Variants in ARHGAP1 observed in about 807,000 individuals in gnomAD.
ARHGAP1 encodes Rho GTPase activating protein 1.
Under a neutral mutation model 52.2 loss-of-function variants are expected in ARHGAP1, and 23 were observed. That is an observed-to-expected ratio of 0.44 (90% CI 0.32 to 0.62). The LOEUF (loss-of-function observed/expected upper bound fraction) is 0.62, where lower values mean the gene tolerates loss of function less well. Among genes scored for constraint, ARHGAP1 ranks in the 20% least tolerant of loss-of-function variants. The probability of loss-of-function intolerance (pLI) is 0.05; values close to 1 mark genes in which losing one functional copy is unlikely to be tolerated. For synonymous variants in ARHGAP1, 210 were observed against 228.4 expected (o/e 0.92, Z 0.73); for missense variants, 480 against 560.9 (o/e 0.86, Z 1.46).
chr11:46,698,162 A>C (rs934216528), intron 1 of ARHGAP1, among the ~76,000 whole-genome samples: 3 of 152,360 alleles, frequency 2.0e-5, no homozygotes, highest in East Asian at 1.9e-4. Flanking sequence ...CATCCTGCCT[A>C]AGCCAGTGAG....
chr11:46,693,192 T>C (rs1253398414), intron 3 of ARHGAP1, among the ~76,000 whole-genome samples: 2 of 151,972 alleles, frequency 1.3e-5, no homozygotes. Context: ...GAGACGGGGT[T>C]TCTCCGTGTT....
Position 46,679,677 on chromosome 11 carries a change from T to C in ARHGAP1, c.998A>G (p.Asp333Gly). 6.2e-7 allele frequency: 1 copy of C among 1,613,806 alleles called. No individual in the cohort carries two copies. The highest frequency in any genetic ancestry group is 8.5e-7 in the Non-Finnish European group (1 of 1,179,918). The change falls in exon 11 of 13, where the codon GAC (aspartate) becomes GGC (glycine). Residue 333 changes from aspartate to glycine, a missense_variant. Coordinates refer to ENST00000311956, the MANE Select transcript of ARHGAP1 (RefSeq NM_004308.5). This position sits in a 1 kb window ranked among gnomAD's most constrained non-coding sequence, Gnocchi z 4.4. The part of the protein sequence containing the change: ...RELPEPLLTF[D>G]LYPHVVGFLN... Reference sequence around the variant, plus strand: ...GAAGCCCACCACATGGGGGTAGAGGTCAAAGGTGAGCAGGGGCTCAGGAAG... The same window carrying C: ...GAAGCCCACCACATGGGGGTAGAGGCCAAAGGTGAGCAGGGGCTCAGGAAG...
chr11:46,691,789 T>C (rs1297622089), intron 3 of ARHGAP1, among the ~76,000 whole-genome samples: 1 of 152,082 alleles, frequency 6.6e-6, no homozygotes, highest in Non-Finnish European at 1.5e-5. Flanking sequence ...GGTTTCACCA[T>C]GTTAGCCAGG....
rs61752936 is a variant in ARHGAP1, at chr11:46,680,215, C to T, written c.888G>A (p.Lys296=). ...CCCAGGGCTGCTCACCCATGTTGTA[C>T]TTCTGCTGCACTTCCCGGACCACTT... The part of the protein sequence containing the change: ...NTQVVREVQQ[K]YNMGLPVDFD... The change falls in exon 10 of 13, where the codon AAG becomes AAA. Residue 296 remains lysine, a synonymous_variant. Transcript: ENST00000311956. The surrounding 1 kb of genome is among the most constrained non-coding windows in gnomAD (Gnocchi z 5.9). 8.2e-3 allele frequency: 13,217 copies of T among 1,614,092 alleles called. 988 individuals are homozygous for T. The African/African-American group carries it at 0.16, about 19-fold the overall frequency.
At chr11:46,689,866 C>T (rs1349360007) in intron 3 of ARHGAP1, among the ~76,000 whole-genome samples, 1 of 152,140 alleles carries the variant, frequency 6.6e-6, no homozygotes, top group Admixed American at 6.6e-5. Context: ...AAAATGCTCA[C>T]TAAAGCATTT....
chr11:46,695,625 C>G (rs771233618), intron 3 of ARHGAP1, 35 bp downstream of exon 3: 2 of 1,545,714 alleles, frequency 1.3e-6, no homozygotes. Flanking sequence ...GCCAGGAGCT[C>G]TGAGGGTTAG....
chr11:46,690,681 C>T (rs115172568), intron 3 of ARHGAP1, among the ~76,000 whole-genome samples: 210 of 152,290 alleles, frequency 1.4e-3, no homozygotes, highest in African/African-American at 4.9e-3. Context: ...TGTGTCCTCG[C>T]CCTCTCTCCC....
chr11:46,690,227 A>AC (rs200649928), intron 3 of ARHGAP1, among the ~76,000 whole-genome samples: 6 of 150,090 alleles, frequency 4.0e-5, no homozygotes, highest in Admixed American at 6.6e-5. Flanking sequence ...ACACACACAC[A>AC]AAAAAAAAAA....
At position 46,681,376 on chromosome 11, in the gene ARHGAP1, G is replaced by A. The variant is rs2064527013; in HGVS notation, c.453C>T (p.Tyr151=). 6.2e-7 allele frequency: 1 copy of A among 1,606,826 alleles called. No individual in the cohort carries two copies. Among genetic ancestry groups the A allele is most frequent in the African/African-American group, 1.3e-5 (1 of 74,732 alleles). ...RDAYREFDRK[Y]KKNIKALYIV... is the part of the protein sequence containing the mutation. Reference sequence around the variant, plus strand: ...TGTACAAGGCCTTGATGTTTTTCTTGTACCTGCAGAGACAGAATGGACAAC... The same window carrying A: ...TGTACAAGGCCTTGATGTTTTTCTTATACCTGCAGAGACAGAATGGACAAC... Residue 151 remains tyrosine, a synonymous_variant, in exon 6 of 13, where the codon TAC becomes TAT. Transcript: ENST00000311956. The surrounding 1 kb of genome is among the most constrained non-coding windows in gnomAD (Gnocchi z 5.7).
Position 46,679,958 on chromosome 11 carries a change from C to G in ARHGAP1, c.899-182G>C. ...ATCAGAGAATGCAGGTTCCGGCCATCTGGGGAAGTGGGGCCCGGCACACCC... is the reference window on the plus strand; with the variant it reads ...ATCAGAGAATGCAGGTTCCGGCCATGTGGGGAAGTGGGGCCCGGCACACCC... On this transcript the variant is annotated intron_variant, in intron 10 of 12. Transcript: ENST00000311956. This position sits in a 1 kb window ranked among gnomAD's most constrained non-coding sequence, Gnocchi z 4.4. The G allele has an allele frequency of 2.6e-6, 3 of 1,153,272 alleles. No homozygotes were observed. The highest frequency in any genetic ancestry group is 3.6e-6 in the Non-Finnish European group (3 of 834,430). The allele number at this position is 1,153,272 out of a possible 1,614,324, so 71.4% of individuals were successfully genotyped here. A position where few individuals can be genotyped will look rare whatever the true frequency, so the allele number is the denominator to read the frequency against.
rs1021600036 is a variant in ARHGAP1, at chr11:46,696,618, C to T, written c.-49-462G>A. ...GCACCGTGGCTCACGCCTGTAATCCCAGCACTTTGGGAGGCCGAGGCAGGC... is the reference window on the plus strand; with the variant it reads ...GCACCGTGGCTCACGCCTGTAATCCTAGCACTTTGGGAGGCCGAGGCAGGC... On this transcript the variant is annotated intron_variant, in intron 1 of 12. Transcript: ENST00000311956. The surrounding 1 kb of genome is among the most constrained non-coding windows in gnomAD (Gnocchi z 4.8). 3.9e-5 allele frequency among the ~76,000 whole-genome samples: 6 copies of T among 152,332 alleles called. No homozygotes were observed. Among genetic ancestry groups the T allele is most frequent in the African/African-American group, 1.4e-4 (6 of 41,584 alleles).
intron 4 of ARHGAP1, among the ~76,000 whole-genome samples, chr11:46,683,037 C>CTT (rs66603634): frequency 0.021 from 2,282 of 108,630 alleles, 82 homozygotes; most frequent in Middle Eastern, 0.026. Flanking sequence ...CCAAAGCCTG[C>CTT]TTTTTTTTTT....
chr11:46,680,659 A>T lies in ARHGAP1; in HGVS notation c.724T>A (p.Phe242Ile). 6.3e-7 allele frequency: 1 copy of T among 1,592,196 alleles called. No homozygotes were observed. The highest frequency in any genetic ancestry group is 8.6e-7 in the Non-Finnish European group (1 of 1,165,750). The change falls in exon 8 of 13, where the codon TTT (phenylalanine) becomes ATT (isoleucine). Residue 242 changes from phenylalanine to isoleucine, a missense_variant. Transcript: ENST00000311956. The surrounding 1 kb of genome is among the most constrained non-coding windows in gnomAD (Gnocchi z 5.9). Reference sequence around the variant, plus strand: ...ACTTACTGCTGCAGCGAGACTCCAAACTGCTGGTTGGGCAGGGGGGGCCGT... The same window carrying T: ...ACTTACTGCTGCAGCGAGACTCCAATCTGCTGGTTGGGCAGGGGGGGCCGT... ...PPRPPLPNQQ[F>I]GVSLQHLQEK...
At position 46,679,569 on chromosome 11, in the gene ARHGAP1, G is replaced by A. The variant is rs1250732130; in HGVS notation, c.1027+79C>T. 8.1e-6 allele frequency: 13 copies of A among 1,608,224 alleles called. No individual in the cohort carries two copies. The highest frequency in any genetic ancestry group is 5.1e-6 in the Non-Finnish European group (6 of 1,176,494). ...GGAGACCCCCAGCAGTCTTCCCTGG[G>A]AGGCGCCTAGGCCCGAAAGCCTGCA... On this transcript the variant is annotated intron_variant, in intron 11 of 12. Coordinates refer to ENST00000311956, the MANE Select transcript of ARHGAP1 (RefSeq NM_004308.5). The surrounding 1 kb of genome is among the most constrained non-coding windows in gnomAD (Gnocchi z 4.4).
chr11:46,693,272 T>C (rs571564814), intron 3 of ARHGAP1, among the ~76,000 whole-genome samples: 2 of 151,578 alleles, frequency 1.3e-5, no homozygotes, highest in Non-Finnish European at 2.9e-5. Flanking sequence ...CTGGGATTAC[T>C]AGGTGTGAGC....
Position 46,679,202 on chromosome 11 carries a change from G to A in ARHGAP1, c.1155C>T (p.Asn385=), listed in dbSNP as rs887889883. The change falls in exon 13 of 13, where the codon AAC becomes AAT. Residue 385 remains asparagine (N), a synonymous_variant. Coordinates refer to ENST00000311956, the MANE Select transcript of ARHGAP1 (RefSeq NM_004308.5). This position sits in a 1 kb window ranked among gnomAD's most constrained non-coding sequence, Gnocchi z 4.4. ...CAGCCAGGTTAGTGTTGGTCATCTT[G>A]TTCTGGTCACTGTGTGCAGAAATCT... ...LVQISAHSDQ[N]KMTNTNLAVV... 3.1e-6 allele frequency: 5 copies of A among 1,607,996 alleles called. No individual in the cohort carries two copies. Among genetic ancestry groups the A allele is most frequent in the Non-Finnish European group, 4.2e-6 (5 of 1,176,686 alleles).
chr11:46,689,658 A>G (rs2064596554), intron 3 of ARHGAP1, among the ~76,000 whole-genome samples: 1 of 152,058 alleles, frequency 6.6e-6, no homozygotes, highest in Non-Finnish European at 1.5e-5. Flanking sequence ...CTCCTGCCTC[A>G]GCTTCCCGAG....
Position 46,696,279 on chromosome 11 carries a change from C to T in ARHGAP1, c.-49-123G>A. ...CAGGCTCCCTGTCCCTATTCCTCAA[C>T]ACTCCTCATCCCCGCCAAGAGCTCC... On this transcript the variant is annotated intron_variant, in intron 1 of 12. Coordinates refer to ENST00000311956, the MANE Select transcript of ARHGAP1 (RefSeq NM_004308.5). This position sits in a 1 kb window ranked among gnomAD's most constrained non-coding sequence, Gnocchi z 4.8. 1.5e-6 allele frequency: 1 copy of T among 649,086 alleles called. No homozygotes were observed. The highest frequency in any genetic ancestry group is 2.6e-6 in the Non-Finnish European group (1 of 384,844). The allele number at this position is 649,086 out of a possible 1,614,324, so 40.2% of individuals were successfully genotyped here. A position where few individuals can be genotyped will look rare whatever the true frequency, so the allele number is the denominator to read the frequency against.
At chr11:46,689,940 T>C (rs140991084) in intron 3 of ARHGAP1, among the ~76,000 whole-genome samples, 1 of 152,282 alleles carries the variant, frequency 6.6e-6, no homozygotes, top group East Asian at 1.9e-4. Context: ...CGCTGAGCAG[T>C]GTGTATTTGG....
Sources: gnomAD v4.1 joint callset for allele counts (sites outside exome capture counted in the v4.1 genomes callset) on GRCh38, gnomAD v4.1.1 for gene constraint, Gnocchi (gnomAD v3.1) non-coding constraint, MANE v1.5 for transcripts, NCBI Gene and HGNC (gene_info 2026-07-23, HGNC 2026-07-21) for gene names.